Variants in PDCD1LG2 observed in about 807,000 individuals in gnomAD.
PDCD1LG2 encodes B7 dendritic cell molecule.
In PDCD1LG2, 32 loss-of-function variants were observed where a neutral mutation model predicts 28.2. That is an observed-to-expected ratio of 1.13 (90% confidence interval 0.86 to 1.52). PDCD1LG2 has a LOEUF of 1.52. PDCD1LG2 is among the 40% of genes most tolerant of loss of function. PDCD1LG2 has a pLI of 0.00. For missense variants in PDCD1LG2, 385 were observed against 323.8 expected (o/e 1.19, Z -1.45); for synonymous variants, 116 against 120.2 (o/e 0.97, Z 0.23).
rs531982406 is a variant in PDCD1LG2, at chr9:5,531,328, A to G, written c.56-3417A>G. 9.3e-4 allele frequency among the ~76,000 whole-genome samples: 141 copies of G among 152,320 alleles called. No homozygotes were observed. The South Asian group carries it at 9.9e-3, about 11-fold the overall frequency. ...TTTCAAAAATCTATTGCATTGCCTAAACCTCTTATTTTGTATGGAGTAATC... is the reference window on the plus strand; with the variant it reads ...TTTCAAAAATCTATTGCATTGCCTAGACCTCTTATTTTGTATGGAGTAATC... On this transcript the variant is annotated intron_variant, in intron 2 of 6. Transcript: ENST00000397747.
At chr9:5,537,957 T>C (rs1436883664) in intron 3 of PDCD1LG2, among the ~76,000 whole-genome samples, 1 of 152,176 alleles carries the variant, frequency 6.6e-6, no homozygotes, top group Admixed American at 6.5e-5. Flanking sequence ...TTCATTTCAA[T>C]AGCTATAAAT....
chr9:5,528,992 G>T (rs768073027), intron 2 of PDCD1LG2, among the ~76,000 whole-genome samples: 5 of 152,196 alleles, frequency 3.3e-5, no homozygotes, highest in Non-Finnish European at 5.9e-5. Context: ...GCCTCCCAAA[G>T]TGCTGGGATT....
chr9:5,526,484 C>G (rs1457625904), intron 2 of PDCD1LG2, among the ~76,000 whole-genome samples: 1 of 152,204 alleles, frequency 6.6e-6, no homozygotes, highest in Non-Finnish European at 1.5e-5. Flanking sequence ...GTCATCCATG[C>G]TGGAGTGCAG....
chr9:5,529,093 G>C (rs954668045), intron 2 of PDCD1LG2, among the ~76,000 whole-genome samples: 20 of 152,204 alleles, frequency 1.3e-4, no homozygotes, highest in African/African-American at 4.1e-4. Context: ...TTCTTTTGAA[G>C]TCTGTAGCTT....
chr9:5,541,056 A>C (rs1274574681), intron 3 of PDCD1LG2, among the ~76,000 whole-genome samples: 1 of 152,232 alleles, frequency 6.6e-6, no homozygotes, highest in Non-Finnish European at 1.5e-5. Context: ...GGGATGGTTT[A>C]ACATCCACAA....
rs141738947 is a variant in PDCD1LG2 at position 5,539,988 on chromosome 9, T to C, written c.361+4938T>C. On this transcript the variant is annotated intron_variant, in intron 3 of 6. Coordinates refer to ENST00000397747, the MANE Select transcript of PDCD1LG2 (RefSeq NM_025239.4). ...ACATTCTCCAAGATAGACTATATAG[T>C]AGGCCACAAAACAAGTCTCCATAAA... Among the ~76,000 whole-genome samples the C allele has an allele frequency of 1.3e-3, 191 of 152,290 alleles. 1 individual carries two copies. Among genetic ancestry groups the C allele is most frequent in the African/African-American group, 4.2e-3 (173 of 41,550 alleles).
intron 4 of PDCD1LG2, 30 bp downstream of exon 4, chr9:5,549,634 T>C (rs755579883): frequency 5.0e-6 from 8 of 1,611,606 alleles, no homozygotes; most frequent in Non-Finnish European, 5.9e-6. Context: ...CCTAGGTCTA[T>C]CAGTTAGGGT....
chr9:5,557,349 C>A (rs528855515), intron 4 of PDCD1LG2, among the ~76,000 whole-genome samples: 2 of 152,334 alleles, frequency 1.3e-5, no homozygotes, highest in East Asian at 3.9e-4. Context: ...AGCTGGGTCA[C>A]TTACTATGTA....
Position 5,569,929 on chromosome 9 carries a change from C to T in PDCD1LG2, c.817-25C>T, listed in dbSNP as rs772465851. ...TTTCTAATCATAAAAAATGATTTTT[C>T]TTATTTGTGGGCTTTTCTCCCCAGA... On this transcript the variant is annotated intron_variant, in intron 6 of 6. Coordinates refer to ENST00000397747, the MANE Select transcript of PDCD1LG2 (RefSeq NM_025239.4). This position sits in a 1 kb window ranked among gnomAD's most constrained non-coding sequence, Gnocchi z 4.1. 6.2e-7 allele frequency: 1 copy of T among 1,611,828 alleles called. No individual in the cohort carries two copies. Among genetic ancestry groups the T allele is most frequent in the Admixed American group, 1.7e-5 (1 of 59,676 alleles).
At chr9:5,516,372 C>T (rs906425357) in intron 1 of PDCD1LG2, among the ~76,000 whole-genome samples, 4 of 152,114 alleles carry the variant, frequency 2.6e-5, no homozygotes, top group Non-Finnish European at 5.9e-5. Context: ...TTTACAGGCT[C>T]AGAAGGGAGG....
chr9:5,514,155 T>A (rs1386098032), intron 1 of PDCD1LG2, among the ~76,000 whole-genome samples: 1 of 152,242 alleles, frequency 6.6e-6, no homozygotes, highest in Non-Finnish European at 1.5e-5. Context: ...ATTCTTGAGA[T>A]ACTTCCATAG....
chr9:5,559,468 CAGGGTCAG>C (rs1450673972), intron 5 of PDCD1LG2, among the ~76,000 whole-genome samples: 1 of 152,148 alleles, frequency 6.6e-6, no homozygotes, highest in Non-Finnish European at 1.5e-5. Context: ...AGCTTTAAAC[CAGGGTCAG>C]AGGGCTAGGC....
intron 2 of PDCD1LG2, among the ~76,000 whole-genome samples, chr9:5,534,543 C>T (rs1210515146): frequency 6.6e-6 from 1 of 152,068 alleles, no homozygotes; most frequent in Non-Finnish European, 1.5e-5. Context: ...GAGGAGAGAG[C>T]CACCTCAGAT....
chr9:5,557,280 GA>G (rs1398119782), intron 4 of PDCD1LG2, among the ~76,000 whole-genome samples: 3 of 151,936 alleles, frequency 2.0e-5, no homozygotes, highest in African/African-American at 4.8e-5. Context: ...TGGATGGATG[GA>G]AAAAAATAAC....
intron 4 of PDCD1LG2, among the ~76,000 whole-genome samples, chr9:5,555,431 A>T (rs1177616770): frequency 6.6e-6 from 1 of 152,192 alleles, no homozygotes; most frequent in Non-Finnish European, 1.5e-5. Context: ...TAAATAAATT[A>T]ATTAATTAAA....
intron 5 of PDCD1LG2, among the ~76,000 whole-genome samples, chr9:5,562,159 G>A (rs1307026310): frequency 6.6e-6 from 1 of 152,194 alleles, no homozygotes; most frequent in African/African-American, 2.4e-5. Flanking sequence ...GAGAATCAGA[G>A]TGGGAGGGAA....
intron 3 of PDCD1LG2, among the ~76,000 whole-genome samples, chr9:5,543,827 A>G (rs1384968803): frequency 6.6e-6 from 1 of 150,814 alleles, no homozygotes; most frequent in Non-Finnish European, 1.5e-5. Context: ...AAATAAAGAA[A>G]GAAATTATTT....
At chr9:5,557,834 T>C (rs1816477751) in intron 5 of PDCD1LG2, 82 bp downstream of exon 5, 5 of 1,518,680 alleles carry the variant, frequency 3.3e-6, no homozygotes, top group Non-Finnish European at 4.5e-6. Context: ...GGCCTATGGC[T>C]TGCTGCTTTC....
intron 3 of PDCD1LG2, among the ~76,000 whole-genome samples, chr9:5,544,526 CTA>C (rs1820754985): frequency 6.6e-6 from 1 of 152,164 alleles, no homozygotes; most frequent in African/African-American, 2.4e-5. Context: ...CGTTCCTAGG[CTA>C]TACAGGCCAC....
Sources: gnomAD v4.1 joint callset for allele counts (sites outside exome capture counted in the v4.1 genomes callset) on GRCh38, gnomAD v4.1.1 for gene constraint, Gnocchi (gnomAD v3.1) non-coding constraint, MANE v1.5 for transcripts, NCBI Gene and HGNC (gene_info 2026-07-23, HGNC 2026-07-21) for gene names.